Variants in COL22A1 observed in about 807,000 individuals in gnomAD.
The protein encoded by COL22A1 is collagen type XXII alpha 1 chain, also known as collagen alpha-1(XXII) chain.
A neutral mutation model predicts 248.9 loss-of-function variants in COL22A1; 221 were observed. That is an observed-to-expected ratio of 0.89 (90% CI 0.80 to 0.99). COL22A1 has a LOEUF of 0.99. COL22A1 is among the 50% of genes least tolerant of loss of function. COL22A1 has a pLI of 0.00. For synonymous variants in COL22A1, 891 were observed against 793.4 expected (o/e 1.12, Z -2.07); for missense variants, 2,240 against 2,179.0 (o/e 1.03, Z -0.56).
chr8:138,710,607 C>CTATCTATA (rs889713498), intron 30 of COL22A1, among the ~76,000 whole-genome samples: 23 of 148,364 alleles, frequency 1.6e-4, no homozygotes, highest in African/African-American at 5.5e-4. Context: ...ATCTATCTAT[C>CTATCTATA]TATATATATA....
rs564472189 is a variant in COL22A1 at position 138,906,710 on chromosome 8, C to T, written c.-73+6909G>A. ...CTCTGTCACCCAGGCTGGAGTGCAA[C>T]GGTGTGATCTCAGCTCACTGTAACC... is the stretch of plus-strand genomic sequence containing the variant. On this transcript the variant is annotated intron_variant, in intron 1 of 64. Transcript: ENST00000303045. 7.3e-5 allele frequency among the ~76,000 whole-genome samples: 11 copies of T among 151,124 alleles called. No homozygotes were observed. The East Asian group carries it at 1.8e-3, about 24-fold the overall frequency.
At chr8:138,757,889 G>A (rs1833152160) in intron 18 of COL22A1, among the ~76,000 whole-genome samples, 2 of 152,252 alleles carry the variant, frequency 1.3e-5, no homozygotes, top group Non-Finnish European at 1.5e-5. Context: ...TCTCCACGAC[G>A]GTCCCCCGTA....
intron 32 of COL22A1, among the ~76,000 whole-genome samples, chr8:138,697,316 AT>A (rs1827585252): frequency 1.3e-5 from 2 of 152,186 alleles, no homozygotes; most frequent in African/African-American, 2.4e-5. Flanking sequence ...TTGCCTGGGC[AT>A]CCTGAAGCCT....
intron 3 of COL22A1, among the ~76,000 whole-genome samples, chr8:138,856,578 GAGAC>G (rs1245471090): frequency 1.3e-5 from 2 of 149,720 alleles, no homozygotes; most frequent in Non-Finnish European, 3.0e-5. Context: ...GACAGAGAGA[GAGAC>G]AGAGGCAGTG....
intron 30 of COL22A1, among the ~76,000 whole-genome samples, chr8:138,714,116 C>A (rs1240341368): frequency 1.3e-5 from 2 of 152,194 alleles, no homozygotes; most frequent in South Asian, 2.1e-4. Flanking sequence ...CTTGAACCTG[C>A]CCGCATGTTG....
chr8:138,606,680 G>C (rs1404162430), intron 57 of COL22A1, among the ~76,000 whole-genome samples: 4 of 152,142 alleles, frequency 2.6e-5, no homozygotes, highest in Non-Finnish European at 4.4e-5. Context: ...AAACAGCCAA[G>C]GGTCTTTCCA....
At chr8:138,604,912 A>C (rs777485849) in intron 58 of COL22A1, 143 bp from the exon 59 acceptor site, 86 of 797,486 alleles carry the variant, frequency 1.1e-4, no homozygotes, top group Non-Finnish European at 1.6e-4. Flanking sequence ...AGGACATCCC[A>C]GACAGGCTCT....
intron 16 of COL22A1, among the ~76,000 whole-genome samples, chr8:138,765,725 G>A (rs1281204611): frequency 6.6e-6 from 1 of 152,238 alleles, no homozygotes; most frequent in African/African-American, 2.4e-5. Flanking sequence ...GAGAGCCAAA[G>A]CTGTCTGTCT....
chr8:138,815,486 C>T (rs1485073149), intron 7 of COL22A1, among the ~76,000 whole-genome samples: 2 of 152,174 alleles, frequency 1.3e-5, no homozygotes, highest in Admixed American at 1.3e-4. Context: ...TGCTCCCTTT[C>T]CTTCAGCCAC....
intron 54 of COL22A1, 83 bp downstream of exon 54, chr8:138,616,830 GC>G (rs1819364028): frequency 1.3e-6 from 2 of 1,511,254 alleles, no homozygotes; most frequent in African/African-American, 2.7e-5. Context: ...CACTGCCATG[GC>G]CTGCAGGCTG....
At chr8:138,821,435 T>C in intron 6 of COL22A1, 24 bp from the exon 7 acceptor site, 1 of 1,600,778 alleles carries the variant, frequency 6.2e-7, no homozygotes, top group Non-Finnish European at 8.5e-7. Context: ...GACCAGAGAC[T>C]CCTTGAGCTT....
chr8:138,821,166 GC>G lies in COL22A1; in HGVS notation c.1214del (p.Gly405AlafsTer18). On this transcript the variant is annotated frameshift_variant, in exon 7 of 65. Transcript: ENST00000303045. LOFTEE classifies it high-confidence loss of function. Reference protein sequence around the residue: ...NIDIQGKTVIGKRLYDSVPID... With the variant: ...NIDIQGKTVIXKRLYDSVPID... ...TGGGCACACTGTCGTAGAGGCGCTT[GC>G]CAATCACAGTCTTGCCCTGGATGTC... 1 of 1,614,114 alleles carries G rather than the reference GC, an allele frequency of 6.2e-7. No individual in the cohort carries two copies. Among genetic ancestry groups the G allele is most frequent in the Non-Finnish European group, 8.5e-7 (1 of 1,179,974 alleles).
At chr8:138,642,776 A>T (rs919990366) in intron 47 of COL22A1, among the ~76,000 whole-genome samples, 11 of 152,218 alleles carry the variant, frequency 7.2e-5, no homozygotes, top group African/African-American at 2.7e-4. Context: ...CATGCCTGTA[A>T]TCGCAGCACT....
At chr8:138,730,053 C>G (rs943355454) in intron 23 of COL22A1, among the ~76,000 whole-genome samples, 6 of 152,220 alleles carry the variant, frequency 3.9e-5, no homozygotes, top group African/African-American at 1.2e-4. Context: ...TACTTTGGCA[C>G]TCCCCCAAAA....
At chr8:138,896,124 T>C (rs1211984237) in intron 1 of COL22A1, among the ~76,000 whole-genome samples, 1 of 152,160 alleles carries the variant, frequency 6.6e-6, no homozygotes, top group African/African-American at 2.4e-5. Flanking sequence ...CTCACAGGCT[T>C]ACCTTTGAAG....
At chr8:138,793,386 G>C (rs2131591183) in intron 12 of COL22A1, among the ~76,000 whole-genome samples, 1 of 152,244 alleles carries the variant, frequency 6.6e-6, no homozygotes, top group East Asian at 1.9e-4. Context: ...CAAAGGCTGG[G>C]GGTGGGCTGA....
At position 138,821,361 on chromosome 8, in the gene COL22A1, C is replaced by T; in HGVS notation, c.1020G>A (p.Val340=). The T allele has an allele frequency of 6.2e-7, 1 of 1,614,132 alleles. No individual in the cohort carries two copies. The highest frequency in any genetic ancestry group is 8.5e-7 in the Non-Finnish European group (1 of 1,180,018). ...GENKAVEYNA[V]GAMKDAVRVV... is the part of the protein sequence containing the mutation. ...CCCTGACAGCATCTTTCATGGCACC[C>T]ACAGCGTTGTACTCGACTGCCTTGT... The change falls in exon 7 of 65, where the codon GTG becomes GTA. Residue 340 remains valine, a synonymous_variant. Transcript: ENST00000303045.
Position 138,608,811 on chromosome 8 carries a change from C to T in COL22A1, c.3979-822G>A, listed in dbSNP as rs114466960. The stretch of plus-strand genomic sequence containing the variant: ...CACTCCCCCACTCAGGGCACATTCC[C>T]GTTGGCTGCTGTGTCTTTACCTGGC... On this transcript the variant is annotated intron_variant, in intron 56 of 64. Coordinates refer to ENST00000303045, the MANE Select transcript of COL22A1 (RefSeq NM_152888.3). 6.3e-3 allele frequency among the ~76,000 whole-genome samples: 955 copies of T among 152,280 alleles called. 12 individuals are homozygous for T. The highest frequency in any genetic ancestry group is 0.022 in the African/African-American group (917 of 41,560).
intron 18 of COL22A1, among the ~76,000 whole-genome samples, chr8:138,756,142 G>A (rs1474867300): frequency 2.0e-5 from 3 of 152,176 alleles, no homozygotes; most frequent in African/African-American, 4.8e-5. Context: ...CAGCCTCTGC[G>A]GCTTGAGAGC....
Sources: allele counts gnomAD v4.1 joint callset (sites outside exome capture counted in the v4.1 genomes callset), GRCh38; gene constraint gnomAD v4.1.1; transcripts MANE v1.5; gene names NCBI Gene and HGNC (gene_info 2026-07-23, HGNC 2026-07-21).